The following ADAMTS3 variants were observed in gnomAD, a reference collection of about 807,000 sequenced individuals.
ADAMTS3 encodes the protein ADAM metallopeptidase with thrombospondin type 1 motif 3, also known as A disintegrin and metalloproteinase with thrombospondin motifs 3.
ADAMTS3 carries 73 observed loss-of-function variants against 129.0 expected under a neutral mutation model. That is an observed-to-expected ratio of 0.57 (90% CI 0.47 to 0.69). ADAMTS3 has a LOEUF of 0.69. ADAMTS3 is among the 30% of genes least tolerant of loss of function. The pLI, the probability that ADAMTS3 is intolerant of heterozygous loss-of-function variation, is 0.00. For synonymous variants in ADAMTS3, 477 were observed against 510.8 expected, an observed-to-expected ratio of 0.93 and a Z score of 0.89; for missense variants, 1,457 against 1,514.5, an observed-to-expected ratio of 0.96 and a Z score of 0.63.
Position 72,569,133 on chromosome 4 carries a change from G to A in ADAMTS3, c.-371C>T, listed in dbSNP as rs2109815208. 2 of 240,936 alleles carry A rather than the reference G, an allele frequency of 8.3e-6. No homozygotes were observed. The highest frequency in any genetic ancestry group is 1.7e-4 in the South Asian group (2 of 11,430). 14.9% of individuals were successfully genotyped at this position (240,936 alleles called of 1,614,324 possible). On this transcript the variant is annotated 5_prime_UTR_variant, in exon 1 of 22. Coordinates refer to ENST00000286657, the MANE Select transcript of ADAMTS3 (RefSeq NM_014243.3). ...CTTTTCGAGCACCATTGGTCCCTAA[G>A]GTTAGCGCGGAGAATGCTTGGGTTC...
chr4:72,362,092 C>T (rs113411429), intron 4 of ADAMTS3, among the ~76,000 whole-genome samples: 2 of 151,942 alleles, frequency 1.3e-5, no homozygotes, highest in Non-Finnish European at 2.9e-5. Context: ...GTTACCCAGG[C>T]CCATGATTTC....
At chr4:72,389,348 C>G (rs1037992275) in intron 4 of ADAMTS3, among the ~76,000 whole-genome samples, 1 of 152,086 alleles carries the variant, frequency 6.6e-6, no homozygotes. Context: ...TCAGGAATGA[C>G]AGAGAGGAAA....
intron 3 of ADAMTS3, among the ~76,000 whole-genome samples, chr4:72,467,324 A>G (rs1718948494): frequency 3.9e-5 from 6 of 152,060 alleles, no homozygotes; most frequent in Admixed American, 3.9e-4. Flanking sequence ...GCCTTGTCTC[A>G]GCTACACCTC....
At chr4:72,539,491 GA>G (rs71215438) in intron 3 of ADAMTS3, among the ~76,000 whole-genome samples, 3,378 of 86,584 alleles carry the variant, frequency 0.039, 34 homozygotes, top group African/African-American at 0.069. Flanking sequence ...GCTACTATCA[GA>G]AAAAAAAAAA....
intron 3 of ADAMTS3, among the ~76,000 whole-genome samples, chr4:72,422,759 G>A (rs1722478599): frequency 6.6e-6 from 1 of 152,104 alleles, no homozygotes; most frequent in African/African-American, 2.4e-5. Context: ...AATAAACTAG[G>A]TTAGATGGTT....
At position 72,365,737 on chromosome 4, in the gene ADAMTS3, C is replaced by T. The variant is rs571247068; in HGVS notation, c.662-26044G>A. Among the ~76,000 whole-genome samples, 4 of 152,162 alleles carry T rather than the reference C, an allele frequency of 2.6e-5. No individual in the cohort carries two copies. In the South Asian group the frequency reaches 6.2e-4, roughly 24 times the overall value. ...TAAAAAATATTCATATAAATAAACA[C>T]GTCAAGAACTGAACCAATATCTGAT... On this transcript the variant is annotated intron_variant, in intron 4 of 21. Transcript: ENST00000286657.
chr4:72,332,998 T>A (rs888903912), intron 5 of ADAMTS3, among the ~76,000 whole-genome samples: 4 of 152,132 alleles, frequency 2.6e-5, no homozygotes, highest in Non-Finnish European at 5.9e-5. Flanking sequence ...CAGATATAGA[T>A]CTGGGCTCAG....
chr4:72,521,279 T>G (rs963607997), intron 3 of ADAMTS3, among the ~76,000 whole-genome samples: 1 of 152,196 alleles, frequency 6.6e-6, no homozygotes, highest in Non-Finnish European at 1.5e-5. Flanking sequence ...ATTACAGGCA[T>G]GAGCCACCGT....
intron 4 of ADAMTS3, among the ~76,000 whole-genome samples, chr4:72,346,646 A>G (rs1204011197): frequency 6.6e-6 from 1 of 152,140 alleles, no homozygotes; most frequent in Non-Finnish European, 1.5e-5. Context: ...TTAAAATATA[A>G]GATAAACAAC....
chr4:72,298,624 GAAGT>G (rs1320293295), intron 17 of ADAMTS3, among the ~76,000 whole-genome samples, 182 bp from the exon 18 acceptor site: 3 of 151,916 alleles, frequency 2.0e-5, no homozygotes, highest in African/African-American at 4.8e-5. Context: ...AGAAAAAGAT[GAAGT>G]ATCTATAAAA....
In ADAMTS3 at chr4:72,288,788, A is replaced by T. The variant is rs1394500220; in HGVS notation, c.3012T>A (p.Pro1004=). The change falls in exon 21 of 22, where the codon CCT becomes CCA. Residue 1004 remains proline (P), a synonymous_variant. Transcript: ENST00000286657. The stretch of plus-strand genomic sequence containing the variant: ...GCAGTTGACAGGCTCTGACCGACTC[A>T]GGCTTTTCACCATCACAGTGGTCCC... ...RAGDHCDGEK[P]ESVRACQLPP... The T allele has an allele frequency of 6.2e-7, 1 of 1,613,984 alleles. No individual in the cohort carries two copies. Among genetic ancestry groups the T allele is most frequent in the South Asian group, 1.1e-5 (1 of 91,070 alleles).
intron 4 of ADAMTS3, 85 bp downstream of exon 4, chr4:72,414,730 A>C (rs538024199): frequency 9.7e-7 from 1 of 1,035,710 alleles, no homozygotes; most frequent in East Asian, 2.9e-5. Context: ...GAACATGGCA[A>C]TCACATTCTC....
At chr4:72,522,010 C>G (rs1560549282) in intron 3 of ADAMTS3, among the ~76,000 whole-genome samples, 1 of 152,100 alleles carries the variant, frequency 6.6e-6, no homozygotes, top group African/African-American at 2.4e-5. Context: ...ACCAAACAAG[C>G]AAGGAGAACT....
At chr4:72,306,958 A>T (rs1719104501) in intron 15 of ADAMTS3, among the ~76,000 whole-genome samples, 1 of 151,888 alleles carries the variant, frequency 6.6e-6, no homozygotes, top group Non-Finnish European at 1.5e-5. Flanking sequence ...ACCTGACAAT[A>T]GTCAGGTCAA....
At chr4:72,460,328 T>C (rs1174726903) in intron 3 of ADAMTS3, among the ~76,000 whole-genome samples, 2 of 151,562 alleles carry the variant, frequency 1.3e-5, no homozygotes, top group African/African-American at 4.8e-5. Flanking sequence ...TATGAACGTG[T>C]GTGTATTTTA....
chr4:72,565,294 T>A (rs1358349790), intron 2 of ADAMTS3, among the ~76,000 whole-genome samples: 1 of 152,222 alleles, frequency 6.6e-6, no homozygotes, highest in East Asian at 1.9e-4. Context: ...TTATTTGTCT[T>A]TCCTAATGTA....
intron 2 of ADAMTS3, among the ~76,000 whole-genome samples, chr4:72,558,122 A>T (rs965926272): frequency 1.3e-5 from 2 of 151,996 alleles, no homozygotes; most frequent in East Asian, 3.9e-4. Flanking sequence ...AAAATAAACA[A>T]GAAATGTGGA....
chr4:72,517,802 G>A (rs1449624640), intron 3 of ADAMTS3, among the ~76,000 whole-genome samples: 2 of 151,464 alleles, frequency 1.3e-5, no homozygotes, highest in South Asian at 2.1e-4. Flanking sequence ...TGGATTCATT[G>A]ATTTTTTGAA....
At chr4:72,317,867 A>T (rs1222719950) in intron 10 of ADAMTS3, among the ~76,000 whole-genome samples, 1 of 152,018 alleles carries the variant, frequency 6.6e-6, no homozygotes, top group Non-Finnish European at 1.5e-5. Flanking sequence ...TCTCTACTAA[A>T]AATACAAAAA....
Sources: allele counts gnomAD v4.1 joint callset (sites outside exome capture counted in the v4.1 genomes callset), GRCh38; gene constraint gnomAD v4.1.1; transcripts MANE v1.5; gene names NCBI Gene and HGNC (gene_info 2026-07-23, HGNC 2026-07-21).